GAS7: variants seen among roughly 807,000 people sequenced by gnomAD.
The protein encoded by GAS7 is growth arrest-specific protein 7.
Under a neutral mutation model 71.1 loss-of-function variants are expected in GAS7, and 28 were observed. The observed-to-expected ratio is 0.39, with a 90% CI of 0.29 to 0.54. The LOEUF (loss-of-function observed/expected upper bound fraction) is 0.54, where lower values mean the gene tolerates loss of function less well. Ranked by LOEUF, GAS7 falls within the 20% of genes least tolerant of loss-of-function variation. GAS7 has a pLI of 0.62. For synonymous variants in GAS7, 258 were observed against 245.8 expected (o/e 1.05, Z -0.46); for missense variants, 436 against 627.8 (o/e 0.69, Z 3.27).
intron 1 of GAS7, among the ~76,000 whole-genome samples, chr17:10,184,128 T>C (rs1343060453): frequency 1.3e-5 from 2 of 152,204 alleles, no homozygotes; most frequent in African/African-American, 4.8e-5. Flanking sequence ...CCCCGTTGCA[T>C]ATGTTTTTCC....
chr17:9,914,959 G>A lies in GAS7; in HGVS notation c.*2269C>T, dbSNP rs1008696554. The A allele has an allele frequency of 5.2e-5, 12 of 232,320 alleles. 1 individual carries two copies. The highest frequency in any genetic ancestry group is 1.5e-4 in the African/African-American group (7 of 45,282). 14.4% of individuals were successfully genotyped at this position (232,320 alleles called of 1,614,324 possible). A position where few individuals can be genotyped will look rare whatever the true frequency, so the allele number is the denominator to read the frequency against. On this transcript the variant is annotated 3_prime_UTR_variant, in exon 14 of 14. Coordinates refer to ENST00000432992, the MANE Select transcript of GAS7 (RefSeq NM_201433.2). ...AAGACCCCTGAAAACGAGCGATCAC[G>A]GGCTTCCCTGACGACAGGGCCATTA...
At chr17:9,946,362 T>C (rs1027418904) in intron 6 of GAS7, among the ~76,000 whole-genome samples, 2 of 152,196 alleles carry the variant, frequency 1.3e-5, no homozygotes, top group Non-Finnish European at 2.9e-5. Flanking sequence ...ATCACCACCA[T>C]CCACCTGCAA....
chr17:10,169,227 T>C (rs1204086403), intron 1 of GAS7, among the ~76,000 whole-genome samples: 1 of 151,746 alleles, frequency 6.6e-6, no homozygotes, highest in Non-Finnish European at 1.5e-5. Flanking sequence ...GATCATGTCA[T>C]TGCACTCCAG....
chr17:10,080,987 T>C (rs1384048579), intron 1 of GAS7, among the ~76,000 whole-genome samples: 9 of 152,192 alleles, frequency 5.9e-5, no homozygotes, highest in Non-Finnish European at 1.2e-4. Context: ...AGGGATTTTT[T>C]AAAATAAGTA....
At chr17:10,072,886 G>A (rs879492284) in intron 1 of GAS7, among the ~76,000 whole-genome samples, 1 of 151,454 alleles carries the variant, frequency 6.6e-6, no homozygotes, top group Non-Finnish European at 1.5e-5. Flanking sequence ...CTAAAAATGG[G>A]GAACTAAAAA....
intron 1 of GAS7, among the ~76,000 whole-genome samples, chr17:10,110,267 T>C (rs891041636): frequency 5.3e-5 from 8 of 151,632 alleles, no homozygotes; most frequent in Non-Finnish European, 8.8e-5. Flanking sequence ...GAACTGGAGG[T>C]TATTATGTTA....
intron 3 of GAS7, among the ~76,000 whole-genome samples, chr17:9,975,397 T>A (rs2070150528): frequency 6.6e-6 from 1 of 152,070 alleles, no homozygotes; most frequent in South Asian, 2.1e-4. Context: ...CCCGGAGTGC[T>A]GAAGCCCTGG....
chr17:10,012,729 T>A (rs1392197396), intron 2 of GAS7, among the ~76,000 whole-genome samples: 1 of 152,194 alleles, frequency 6.6e-6, no homozygotes, highest in Non-Finnish European at 1.5e-5. Context: ...TAATTCCCCA[T>A]GTGCCAGTAT....
In GAS7 at chr17:10,130,459, C is replaced by T. The variant is rs537219435; in HGVS notation, c.183+67749G>A. On this transcript the variant is annotated intron_variant, in intron 1 of 13. Coordinates refer to ENST00000432992, the MANE Select transcript of GAS7 (RefSeq NM_201433.2). ...CCTGGCCATTCCTCAAAAGGTTAAA[C>T]ATACTTACCACGTGACCCAGCAATT... Among the ~76,000 whole-genome samples, 7 of 151,942 alleles carry T rather than the reference C, an allele frequency of 4.6e-5. No homozygotes were observed. In the South Asian group the frequency reaches 1.2e-3, roughly 27 times the overall value.
chr17:9,943,549 C>A (rs189960309), intron 6 of GAS7, among the ~76,000 whole-genome samples: 2 of 152,298 alleles, frequency 1.3e-5, no homozygotes, highest in Non-Finnish European at 2.9e-5. Context: ...TAACGGCCTA[C>A]GACTTCCAAC....
intron 2 of GAS7, among the ~76,000 whole-genome samples, chr17:10,005,763 C>A (rs1011705769): frequency 6.6e-6 from 1 of 152,170 alleles, no homozygotes; most frequent in East Asian, 1.9e-4. Flanking sequence ...TGTGTCTTTG[C>A]AAGACAGCTC....
At chr17:10,084,722 C>T (rs1435224683) in intron 1 of GAS7, among the ~76,000 whole-genome samples, 1 of 152,202 alleles carries the variant, frequency 6.6e-6, no homozygotes, top group East Asian at 1.9e-4. Flanking sequence ...GTGCCTCGGC[C>T]TCCCAAAATG....
chr17:10,130,275 C>A (rs1228926914), intron 1 of GAS7, among the ~76,000 whole-genome samples: 2 of 146,076 alleles, frequency 1.4e-5, no homozygotes, highest in African/African-American at 2.5e-5. Flanking sequence ...CAGGGAAATG[C>A]AAATTAAAAC....
At chr17:10,122,476 C>G (rs773859055) in intron 1 of GAS7, among the ~76,000 whole-genome samples, 7 of 152,164 alleles carry the variant, frequency 4.6e-5, no homozygotes, top group Non-Finnish European at 8.8e-5. Flanking sequence ...GAAAGGCCCC[C>G]TGGGACCCGA....
At chr17:10,085,706 A>AAAAAAAAAAAAGAAAG (rs1555531934) in intron 1 of GAS7, among the ~76,000 whole-genome samples, 1 of 134,918 alleles carries the variant, frequency 7.4e-6, no homozygotes, top group Non-Finnish European at 1.5e-5. Flanking sequence ...AAAAAAAAAA[A>AAAAAAAAAAAAGAAAG]AAAGAAAGAA....
intron 11 of GAS7, among the ~76,000 whole-genome samples, chr17:9,924,164 T>C (rs948263124): frequency 6.6e-6 from 1 of 152,182 alleles, no homozygotes; most frequent in Non-Finnish European, 1.5e-5. Flanking sequence ...CATGTACCAA[T>C]ACTGTTTTTG....
chr17:10,083,335 T>C (rs141656662), intron 1 of GAS7, among the ~76,000 whole-genome samples: 1,692 of 152,302 alleles, frequency 0.011, 15 homozygotes, highest in Non-Finnish European at 0.016. Context: ...AAGACCAGCG[T>C]GGCCAACATG....
intron 13 of GAS7, 122 bp from the exon 14 acceptor site, chr17:9,917,463 G>A (rs2067621997): frequency 2.9e-6 from 2 of 695,898 alleles, no homozygotes; most frequent in Non-Finnish European, 5.0e-6. Context: ...AGGGCTCCGG[G>A]GCCCCAGGGG....
At chr17:10,027,663 C>A (rs925883475) in intron 1 of GAS7, among the ~76,000 whole-genome samples, 1 of 152,200 alleles carries the variant, frequency 6.6e-6, no homozygotes, top group African/African-American at 2.4e-5. Flanking sequence ...TGGAGGCAGA[C>A]AACAGTCCTC....
Sources: allele counts gnomAD v4.1 joint callset (sites outside exome capture counted in the v4.1 genomes callset), GRCh38; gene constraint gnomAD v4.1.1; transcripts MANE v1.5; gene names NCBI Gene and HGNC (gene_info 2026-07-23, HGNC 2026-07-21).